The following MAP7 variants were observed in gnomAD, a reference collection of about 807,000 sequenced individuals.
MAP7 encodes microtubule associated protein 7, also known as ensconsin.
A neutral mutation model predicts 94.8 loss-of-function variants in MAP7; 52 were observed. The observed-to-expected ratio is 0.55, with a 90% confidence interval of 0.44 to 0.69. The LOEUF (loss-of-function observed/expected upper bound fraction) is 0.69, where lower values mean the gene tolerates loss of function less well. MAP7 is among the 30% of genes least tolerant of loss of function. MAP7 has a pLI of 0.00. For synonymous variants in MAP7, 350 were observed against 357.0 expected (o/e 0.98, Z 0.22); for missense variants, 940 against 964.6 (o/e 0.97, Z 0.34).
At chr6:136,373,074 G>C (rs1257048826) in intron 7 of MAP7, among the ~76,000 whole-genome samples, 1 of 152,166 alleles carries the variant, frequency 6.6e-6, no homozygotes, top group East Asian at 1.9e-4. Flanking sequence ...GGAACAAAAG[G>C]TGGAAAGAGA....
intron 8 of MAP7, among the ~76,000 whole-genome samples, chr6:136,369,435 G>T (rs1285612976): frequency 6.6e-6 from 1 of 152,150 alleles, no homozygotes; most frequent in Non-Finnish European, 1.5e-5. Context: ...TTAGATGGGC[G>T]TGGTAGCACA....
intron 1 of MAP7, among the ~76,000 whole-genome samples, chr6:136,472,993 T>C (rs1583013075): frequency 1.3e-5 from 2 of 152,210 alleles, no homozygotes; most frequent in South Asian, 2.1e-4. Flanking sequence ...AGATATCCCA[T>C]GGTTTTACAG....
intron 1 of MAP7, among the ~76,000 whole-genome samples, chr6:136,441,291 T>C (rs554587917): frequency 1.3e-5 from 2 of 152,338 alleles, no homozygotes; most frequent in South Asian, 2.1e-4. Context: ...TTATCATTTT[T>C]CCCTAATATA....
At chr6:136,468,954 G>A (rs780211158) in intron 1 of MAP7, among the ~76,000 whole-genome samples, 32 of 152,092 alleles carry the variant, frequency 2.1e-4, no homozygotes, top group Non-Finnish European at 3.8e-4. Context: ...TGTGGAGACA[G>A]TGCACCACTC....
intron 1 of MAP7, among the ~76,000 whole-genome samples, chr6:136,485,656 G>A (rs564617990): frequency 1.2e-4 from 17 of 139,146 alleles, no homozygotes; most frequent in Non-Finnish European, 2.4e-4. Flanking sequence ...TCCGCCTCCC[G>A]GGTTCACGCC....
chr6:136,525,954 G>C, intron 1 of MAP7: 15 of 1,517,110 alleles, frequency 9.9e-6, no homozygotes, highest in Non-Finnish European at 1.3e-5. Context: ...AGCTGTAGCT[G>C]ATCCAGGCAT....
intron 2 of MAP7, among the ~76,000 whole-genome samples, chr6:136,417,033 C>G (rs1176854640): frequency 5.9e-5 from 9 of 152,184 alleles, no homozygotes; most frequent in Admixed American, 5.9e-4. Flanking sequence ...GTGACAGGAT[C>G]GCTTGAGGCT....
chr6:136,392,610 C>T (rs1368640747), intron 3 of MAP7, among the ~76,000 whole-genome samples: 1 of 151,968 alleles, frequency 6.6e-6, no homozygotes, highest in African/African-American at 2.4e-5. Flanking sequence ...AATGTGCTGT[C>T]GTAAATCCCT....
intron 1 of MAP7, among the ~76,000 whole-genome samples, chr6:136,544,199 G>A (rs570880381): frequency 1.9e-4 from 29 of 152,340 alleles, no homozygotes; most frequent in African/African-American, 7.0e-4. Context: ...TGGGATTACA[G>A]GCATGAGCCA....
chr6:136,515,740 A>G (rs914815780), intron 1 of MAP7, among the ~76,000 whole-genome samples: 1 of 152,234 alleles, frequency 6.6e-6, no homozygotes, highest in African/African-American at 2.4e-5. Flanking sequence ...CAATTACAAT[A>G]GTGACATCAA....
At chr6:136,505,543 G>C (rs1051295388) in intron 1 of MAP7, among the ~76,000 whole-genome samples, 1 of 151,598 alleles carries the variant, frequency 6.6e-6, no homozygotes, top group Non-Finnish European at 1.5e-5. Context: ...ACAATCGCTA[G>C]GCATCTGAGA....
intron 10 of MAP7, chr6:136,364,019 G>A (rs1793577875): frequency 4.4e-6 from 1 of 227,492 alleles, no homozygotes; most frequent in African/African-American, 2.3e-5. Flanking sequence ...CTGCTGCCAA[G>A]CTGCACTCGG....
rs1790752897 is a variant in MAP7 at position 136,419,989 on chromosome 6, G to A, written c.166+1712C>T. The A allele has an allele frequency of 5.4e-6, 4 of 744,324 alleles. No homozygotes were observed. The East Asian group carries it at 1.1e-4, about 20-fold the overall frequency. 46.1% of individuals were successfully genotyped at this position (744,324 alleles called of 1,614,324 possible). ...GTGTCTGGTTACAATAACTGCAAAG[G>A]ACTGTTGTGACTCAAGGATATTAGC... On this transcript the variant is annotated intron_variant, in intron 2 of 17. Transcript: ENST00000354570.
intron 1 of MAP7, among the ~76,000 whole-genome samples, chr6:136,430,349 AAAG>A (rs1395890179): frequency 6.6e-6 from 1 of 152,228 alleles, no homozygotes; most frequent in African/African-American, 2.4e-5. Context: ...ATGAAATAGA[AAAG>A]CTTTCATACT....
chr6:136,360,076 A>G, intron 13 of MAP7, 45 bp from the exon 14 acceptor site: 1 of 1,486,940 alleles, frequency 6.7e-7, no homozygotes, highest in Non-Finnish European at 9.2e-7. Context: ...ACACAGAAAA[A>G]AAGCCAGCCT....
chr6:136,385,893 C>T (rs971514144), intron 5 of MAP7, among the ~76,000 whole-genome samples: 1 of 152,236 alleles, frequency 6.6e-6, no homozygotes, highest in African/African-American at 2.4e-5. Context: ...GCCTCAACCT[C>T]CTGAATAGCT....
chr6:136,476,692 G>A (rs959529935), intron 1 of MAP7, among the ~76,000 whole-genome samples: 1 of 152,164 alleles, frequency 6.6e-6, no homozygotes, highest in Non-Finnish European at 1.5e-5. Flanking sequence ...CACTGTGTAA[G>A]AGAAAAGGAA....
At chr6:136,517,626 A>G (rs2129042383) in intron 1 of MAP7, among the ~76,000 whole-genome samples, 1 of 152,366 alleles carries the variant, frequency 6.6e-6, no homozygotes, top group East Asian at 1.9e-4. Context: ...AGGCTTAGAA[A>G]GTTTAAATAT....
chr6:136,508,846 T>A (rs575328522), intron 1 of MAP7, among the ~76,000 whole-genome samples: 1 of 152,262 alleles, frequency 6.6e-6, no homozygotes, highest in South Asian at 2.1e-4. Flanking sequence ...AGAAACCAAA[T>A]CCGGGATGCT....
Sources: allele counts gnomAD v4.1 joint callset (sites outside exome capture counted in the v4.1 genomes callset), GRCh38; gene constraint gnomAD v4.1.1; transcripts MANE v1.5; gene names NCBI Gene and HGNC (gene_info 2026-07-23, HGNC 2026-07-21).